The following RORA variants were observed in gnomAD, a reference collection of about 807,000 sequenced individuals.
RORA encodes nuclear receptor ROR-alpha.
In RORA, 7 loss-of-function variants were observed where a neutral mutation model predicts 69.5. The ratio of observed to expected loss-of-function variants is 0.10; its 90% CI spans 0.06 to 0.19. The LOEUF (loss-of-function observed/expected upper bound fraction) is 0.19, where lower values mean the gene tolerates loss of function less well. Among genes scored for constraint, RORA ranks in the 10% least tolerant of loss-of-function variants. The pLI, the probability that RORA is intolerant of heterozygous loss-of-function variation, is 1.00. For missense variants in RORA, 457 were observed against 663.0 expected (o/e 0.69, Z 3.41); for synonymous variants, 261 against 240.8 (o/e 1.08, Z -0.78).
chr15:60,798,935 CT>C (rs35043218), intron 1 of RORA, among the ~76,000 whole-genome samples: 55,692 of 144,574 alleles, frequency 0.39, 10,496 homozygotes, highest in Admixed American at 0.51. Flanking sequence ...CAATAAAGGA[CT>C]TTTTTTTTTT....
chr15:61,105,896 T>C (rs1198336949), intron 1 of RORA, among the ~76,000 whole-genome samples: 1 of 152,218 alleles, frequency 6.6e-6, no homozygotes, highest in East Asian at 1.9e-4. Flanking sequence ...CAAAAACCTA[T>C]ATGGTGAAAA....
At chr15:61,167,175 C>T (rs1180552078) in intron 1 of RORA, among the ~76,000 whole-genome samples, 1 of 152,328 alleles carries the variant, frequency 6.6e-6, no homozygotes, top group Admixed American at 6.5e-5. Context: ...AATCACTCTT[C>T]ACTCGGTACT....
At chr15:61,209,311 T>C (rs1045742835) in intron 1 of RORA, among the ~76,000 whole-genome samples, 1 of 151,650 alleles carries the variant, frequency 6.6e-6, no homozygotes, top group African/African-American at 2.4e-5. Flanking sequence ...AAAACAATGA[T>C]ACCCCAGCCT....
chr15:60,995,370 G>A (rs1372372557), intron 1 of RORA, among the ~76,000 whole-genome samples: 1 of 152,100 alleles, frequency 6.6e-6, no homozygotes, highest in Non-Finnish European at 1.5e-5. Flanking sequence ...ATGATTCTCG[G>A]CCAGCGCGAG....
At chr15:61,156,772 G>A (rs138245357) in intron 1 of RORA, among the ~76,000 whole-genome samples, 1 of 152,194 alleles carries the variant, frequency 6.6e-6, no homozygotes, top group Non-Finnish European at 1.5e-5. Context: ...GTGAAAAGAG[G>A]TTAATAAATT....
chr15:60,746,598 T>C (rs1192676439), intron 1 of RORA, among the ~76,000 whole-genome samples: 1 of 152,166 alleles, frequency 6.6e-6, no homozygotes, highest in East Asian at 1.9e-4. Flanking sequence ...ACTGAAACCT[T>C]TGAAAGACAA....
At chr15:60,975,891 C>T (rs1248452661) in intron 1 of RORA, among the ~76,000 whole-genome samples, 1 of 152,220 alleles carries the variant, frequency 6.6e-6, no homozygotes, top group African/African-American at 2.4e-5. Flanking sequence ...CATCTCAGTT[C>T]CAACTCTCAG....
At chr15:61,012,541 G>T (rs547540533) in intron 1 of RORA, among the ~76,000 whole-genome samples, 1 of 152,328 alleles carries the variant, frequency 6.6e-6, no homozygotes, top group South Asian at 2.1e-4. Context: ...GTCTCAGAAA[G>T]ATTCTTAAGC....
intron 2 of RORA, among the ~76,000 whole-genome samples, chr15:60,566,461 G>T (rs754429115): frequency 2.6e-5 from 4 of 152,158 alleles, no homozygotes; most frequent in Non-Finnish European, 5.9e-5. Context: ...TAATCACAGT[G>T]CATACTGGTG....
intron 1 of RORA, among the ~76,000 whole-genome samples, chr15:61,183,345 G>C (rs77185423): frequency 1.6e-3 from 242 of 152,272 alleles, no homozygotes; most frequent in African/African-American, 5.6e-3. Flanking sequence ...GGCCAGCCTG[G>C]CCAACATGGT....
intron 1 of RORA, among the ~76,000 whole-genome samples, chr15:61,165,296 G>A (rs2079531701): frequency 6.6e-6 from 1 of 152,112 alleles, no homozygotes; most frequent in South Asian, 2.1e-4. Flanking sequence ...CATCCATTCG[G>A]ATTACTTCTT....
At chr15:61,120,403 T>TA (rs901727857) in intron 1 of RORA, among the ~76,000 whole-genome samples, 2 of 151,900 alleles carry the variant, frequency 1.3e-5, no homozygotes, top group African/African-American at 2.4e-5. Context: ...GGAGGAATTT[T>TA]AAAAAAACAT....
chr15:61,068,364 T>G (rs1197049714), intron 1 of RORA, among the ~76,000 whole-genome samples: 1 of 152,238 alleles, frequency 6.6e-6, no homozygotes, highest in South Asian at 2.1e-4. Context: ...ACATTGTATA[T>G]CTAACCACTG....
At chr15:60,745,292 A>G (rs565316899) in intron 1 of RORA, among the ~76,000 whole-genome samples, 1 of 152,320 alleles carries the variant, frequency 6.6e-6, no homozygotes, top group Admixed American at 6.5e-5. Context: ...TGAAGCCAAG[A>G]GCCCACCTTC....
At chr15:60,819,743 CCAGA>C (rs1193063613) in intron 1 of RORA, among the ~76,000 whole-genome samples, 8 of 74,778 alleles carry the variant, frequency 1.1e-4, no homozygotes, top group African/African-American at 5.0e-4. Context: ...GAAGTCAAAC[CCAGA>C]CACACACACA....
At chr15:61,152,039 A>G (rs1221711684) in intron 1 of RORA, among the ~76,000 whole-genome samples, 3 of 152,206 alleles carry the variant, frequency 2.0e-5, no homozygotes, top group Admixed American at 6.5e-5. Flanking sequence ...TTCCAGTGCG[A>G]TTTCATTCTC....
chr15:61,032,941 T>C (rs769469362), intron 1 of RORA, among the ~76,000 whole-genome samples: 4 of 152,228 alleles, frequency 2.6e-5, no homozygotes, highest in Non-Finnish European at 5.9e-5. Flanking sequence ...CTGCCTACTA[T>C]GTGTCAGGCA....
intron 2 of RORA, among the ~76,000 whole-genome samples, chr15:60,661,600 C>T (rs560555980): frequency 6.6e-6 from 1 of 152,264 alleles, no homozygotes; most frequent in African/African-American, 2.4e-5. Flanking sequence ...TATTAATTCT[C>T]TTTGAATAAG....
intron 1 of RORA, among the ~76,000 whole-genome samples, chr15:61,001,542 T>C (rs1167722470): frequency 1.3e-5 from 2 of 152,192 alleles, no homozygotes; most frequent in African/African-American, 2.4e-5. Context: ...GCAATCAAAA[T>C]TCAGAGAAGT....
Sources: allele counts gnomAD v4.1 joint callset (sites outside exome capture counted in the v4.1 genomes callset), GRCh38; gene constraint gnomAD v4.1.1; transcripts MANE v1.5; gene names NCBI Gene and HGNC (gene_info 2026-07-23, HGNC 2026-07-21).